LRBA: variants seen among roughly 807,000 people sequenced by gnomAD.
The protein encoded by LRBA is lipopolysaccharide-responsive and beige-like anchor protein.
LRBA carries 176 observed loss-of-function variants against 330.0 expected under a neutral mutation model. The ratio of observed to expected loss-of-function variants is 0.53; its 90% CI spans 0.47 to 0.60. LRBA has a LOEUF of 0.60. Among genes scored for constraint, LRBA ranks in the 20% least tolerant of loss-of-function variants. LRBA has a pLI of 0.00. For missense variants in LRBA, 3,259 were observed against 3,444.8 expected, an observed-to-expected ratio of 0.95 and a Z score of 1.35; for synonymous variants, 1,230 against 1,193.0, an observed-to-expected ratio of 1.03 and a Z score of -0.64.
At chr4:150,996,263 A>G (rs1438151843) in intron 2 of LRBA, among the ~76,000 whole-genome samples, 2 of 152,192 alleles carry the variant, frequency 1.3e-5, no homozygotes, top group South Asian at 2.1e-4. Context: ...CTTTTTAACT[A>G]TCTGGTTTAA....
chr4:150,514,813 T>A (rs964891420), intron 40 of LRBA, among the ~76,000 whole-genome samples: 1 of 152,226 alleles, frequency 6.6e-6, no homozygotes, highest in Non-Finnish European at 1.5e-5. Flanking sequence ...TTATTGCGTA[T>A]GTTAAATTGA....
chr4:150,589,872 C>T (rs1406396123), intron 39 of LRBA, among the ~76,000 whole-genome samples: 2 of 152,062 alleles, frequency 1.3e-5, no homozygotes. Context: ...CCACTCCCAC[C>T]AATTAATTTT....
chr4:151,012,929 A>T (rs1745019187), intron 2 of LRBA: 2 of 151,342 alleles, frequency 1.3e-5, no homozygotes, highest in African/African-American at 4.9e-5. Context: ...CATCCAGCTA[A>T]TTTTTTTGTA....
intron 47 of LRBA, among the ~76,000 whole-genome samples, chr4:150,358,794 A>C (rs1310007085): frequency 2.0e-5 from 3 of 152,184 alleles, no homozygotes; most frequent in Non-Finnish European, 2.9e-5. Flanking sequence ...CAAAATAAAA[A>C]AAATTTAATC....
intron 37 of LRBA, among the ~76,000 whole-genome samples, chr4:150,610,589 C>A (rs1417010983): frequency 2.0e-5 from 3 of 151,568 alleles, no homozygotes; most frequent in Non-Finnish European, 4.4e-5. Context: ...ACTCCCATCA[C>A]AAAAAAACAA....
chr4:150,726,400 C>T (rs146646349), intron 36 of LRBA, among the ~76,000 whole-genome samples: 19 of 152,172 alleles, frequency 1.2e-4, no homozygotes, highest in Non-Finnish European at 2.4e-4. Context: ...GAGACAAAGA[C>T]GGTCATTATA....
At chr4:150,443,331 A>G (rs1581327002) in intron 44 of LRBA, among the ~76,000 whole-genome samples, 1 of 152,300 alleles carries the variant, frequency 6.6e-6, no homozygotes, top group East Asian at 1.9e-4. Flanking sequence ...CATTTGACCC[A>G]GCCATCCCAT....
At chr4:150,614,126 T>C (rs1382194579) in intron 37 of LRBA, among the ~76,000 whole-genome samples, 1 of 152,240 alleles carries the variant, frequency 6.6e-6, no homozygotes, top group Admixed American at 6.5e-5. Flanking sequence ...GGATTTAGAC[T>C]CTTGCTAATA....
chr4:150,570,218 G>A (rs756357054), intron 40 of LRBA, among the ~76,000 whole-genome samples: 9 of 152,080 alleles, frequency 5.9e-5, no homozygotes, highest in South Asian at 2.1e-4. Flanking sequence ...TTGATGTGTC[G>A]GGAATTTTTT....
At chr4:150,850,445 A>ACC (rs1446943849) in intron 24 of LRBA, among the ~76,000 whole-genome samples, 4 of 152,036 alleles carry the variant, frequency 2.6e-5, no homozygotes, top group African/African-American at 9.7e-5. Context: ...TGATAAACCT[A>ACC]CCTTCTGGTG....
chr4:150,614,924 A>C (rs1422010001), intron 37 of LRBA, among the ~76,000 whole-genome samples: 1 of 152,240 alleles, frequency 6.6e-6, no homozygotes, highest in Non-Finnish European at 1.5e-5. Context: ...ACAGATGACA[A>C]TAAGTACCAA....
chr4:150,703,972 A>C (rs1785365071), intron 36 of LRBA, among the ~76,000 whole-genome samples: 1 of 152,162 alleles, frequency 6.6e-6, no homozygotes, highest in Non-Finnish European at 1.5e-5. Context: ...GGAGAGGCCA[A>C]GGTGGGAAGA....
rs777046974 is a variant in LRBA, at chr4:151,014,414, T to C, written c.216+13A>G. 10 of 1,600,762 alleles carry C rather than the reference T, an allele frequency of 6.2e-6. No homozygotes were observed. The highest frequency in any genetic ancestry group is 2.2e-5 in the East Asian group (1 of 44,836). The stretch of plus-strand genomic sequence containing the variant: ...GAAAAGAGTATATGCTTATAAAATA[T>C]TCATGGACTTACCAGGTTAAAGACA... On this transcript the variant is annotated intron_variant, in intron 2 of 56. Coordinates refer to ENST00000651943, the MANE Select transcript of LRBA (RefSeq NM_001364905.1).
chr4:150,799,271 G>A lies in LRBA; in HGVS notation c.5519-1129C>T, dbSNP rs538981947. 8.5e-5 allele frequency among the ~76,000 whole-genome samples: 13 copies of A among 152,278 alleles called. No individual in the cohort carries two copies. In the South Asian group the frequency reaches 2.5e-3, roughly 29 times the overall value. On this transcript the variant is annotated intron_variant, in intron 33 of 56. Transcript: ENST00000651943. ...AGTGTCAGCACTGGCAAGAAAATTAGCTATAGAATGTCTCTATATTGTATT... is the reference window on the plus strand; with the variant it reads ...AGTGTCAGCACTGGCAAGAAAATTAACTATAGAATGTCTCTATATTGTATT...
At chr4:150,696,569 G>A (rs1784634077) in intron 36 of LRBA, among the ~76,000 whole-genome samples, 1 of 152,194 alleles carries the variant, frequency 6.6e-6, no homozygotes, top group Non-Finnish European at 1.5e-5. Context: ...ATCAAAATAC[G>A]TAACAAATAG....
chr4:150,343,952 C>T lies in LRBA; in HGVS notation c.7362+6040G>A, dbSNP rs1444350373. ...TACTTACACAAGTCCCCATGCTATCCGTCTACTCTCCAATCTGAGATGAGG... is the reference window on the plus strand; with the variant it reads ...TACTTACACAAGTCCCCATGCTATCTGTCTACTCTCCAATCTGAGATGAGG... On this transcript the variant is annotated intron_variant, in intron 48 of 56. Coordinates refer to ENST00000651943, the MANE Select transcript of LRBA (RefSeq NM_001364905.1). 4.6e-5 allele frequency among the ~76,000 whole-genome samples: 7 copies of T among 152,130 alleles called. No homozygotes were observed. In the East Asian group the frequency reaches 1.3e-3, roughly 29 times the overall value.
chr4:150,724,960 A>T (rs1729478496), intron 36 of LRBA, among the ~76,000 whole-genome samples: 1 of 151,178 alleles, frequency 6.6e-6, no homozygotes, highest in African/African-American at 2.4e-5. Flanking sequence ...AAAATGCAAT[A>T]ACATGCTGAA....
chr4:150,704,617 T>C (rs968829338), intron 36 of LRBA, among the ~76,000 whole-genome samples: 2 of 152,126 alleles, frequency 1.3e-5, no homozygotes, highest in Admixed American at 6.6e-5. Context: ...ATTATACATA[T>C]ATAGAAGCAT....
chr4:150,539,265 T>G (rs902919868), intron 40 of LRBA, among the ~76,000 whole-genome samples: 1 of 152,204 alleles, frequency 6.6e-6, no homozygotes, highest in Non-Finnish European at 1.5e-5. Context: ...TAAGCCACAG[T>G]GCCCAGCAGT....
Sources: gnomAD v4.1 joint callset for allele counts (sites outside exome capture counted in the v4.1 genomes callset) on GRCh38, gnomAD v4.1.1 for gene constraint, MANE v1.5 for transcripts, NCBI Gene and HGNC (gene_info 2026-07-23, HGNC 2026-07-21) for gene names.